FSTL4: variants seen among roughly 807,000 people sequenced by gnomAD.
FSTL4 encodes follistatin like 4.
A neutral mutation model predicts 78.2 loss-of-function variants in FSTL4; 28 were observed. The observed-to-expected ratio is 0.36, with a 90% CI of 0.27 to 0.49. The LOEUF (loss-of-function observed/expected upper bound fraction) is 0.49, where lower values mean the gene tolerates loss of function less well. Among genes scored for constraint, FSTL4 ranks in the 20% least tolerant of loss-of-function variants. The pLI is 0.98. For synonymous variants in FSTL4, 422 were observed against 440.5 expected (o/e 0.96, Z 0.53); for missense variants, 922 against 1,084.9 (o/e 0.85, Z 2.11).
intron 12 of FSTL4, among the ~76,000 whole-genome samples, chr5:133,220,539 C>CA (rs1344083873): frequency 4.6e-5 from 7 of 152,160 alleles, no homozygotes; most frequent in African/African-American, 1.7e-4. Context: ...ACCTGAGGCT[C>CA]AGTGCAGAGA....
chr5:133,244,526 A>G (rs982820443), intron 7 of FSTL4: 1 of 152,126 alleles, frequency 6.6e-6, no homozygotes, highest in Non-Finnish European at 1.5e-5. Flanking sequence ...TCTGGGGAAC[A>G]TGAACGTGAG....
the FSTL4 span, among the ~76,000 whole-genome samples, chr5:133,645,077 C>T: frequency 4.6e-5 from 7 of 152,020 alleles, no homozygotes; most frequent in East Asian, 1.4e-3. Context: ...TTTTTTTCTT[C>T]ACCTCTCCAC....
chr5:133,697,434 A>G, the FSTL4 span, among the ~76,000 whole-genome samples: 6 of 152,282 alleles, frequency 3.9e-5, no homozygotes, highest in South Asian at 6.2e-4. Flanking sequence ...CCTCTTCCCA[A>G]TGACAAATAT....
At chr5:133,594,812 TCTTTA>T (rs1374304676) in intron 2 of FSTL4, among the ~76,000 whole-genome samples, 1 of 152,362 alleles carries the variant, frequency 6.6e-6, no homozygotes. Context: ...AGTTCTGTTC[TCTTTA>T]CTTAGAGAGC....
At chr5:133,595,435 T>C (rs1319606982) in intron 2 of FSTL4, among the ~76,000 whole-genome samples, 1 of 152,230 alleles carries the variant, frequency 6.6e-6, no homozygotes, top group Admixed American at 6.5e-5. Flanking sequence ...CGTTCACTTA[T>C]TCAACAAATA....
the FSTL4 span, among the ~76,000 whole-genome samples, chr5:133,639,733 G>T: frequency 2.6e-5 from 4 of 152,186 alleles, no homozygotes; most frequent in African/African-American, 9.7e-5. Flanking sequence ...CGTTACCTCT[G>T]CCCATGTTCA....
At chr5:133,298,198 T>G (rs1036194518) in intron 6 of FSTL4, among the ~76,000 whole-genome samples, 7 of 152,256 alleles carry the variant, frequency 4.6e-5, no homozygotes, top group African/African-American at 1.7e-4. Flanking sequence ...CTGCAAGGAT[T>G]AATGAATTCA....
chr5:133,616,006 C>G (rs900645726), upstream of FSTL4, among the ~76,000 whole-genome samples: 24 of 152,160 alleles, frequency 1.6e-4, no homozygotes, highest in African/African-American at 5.8e-4. Context: ...CCAGCAAACT[C>G]ACAGGGGCTG....
At chr5:133,633,156 T>C in the FSTL4 span, among the ~76,000 whole-genome samples, 2 of 152,340 alleles carry the variant, frequency 1.3e-5, no homozygotes, top group East Asian at 3.9e-4. Flanking sequence ...TTTGCTAACC[T>C]CCTTGAATGT....
rs182473230 is a variant in FSTL4, at chr5:133,236,326, C to G, written c.895-2789G>C. Among the ~76,000 whole-genome samples the G allele has an allele frequency of 7.8e-4, 119 of 152,224 alleles. 2 individuals are homozygous for G. The Middle Eastern group carries it at 0.014, about 17-fold the overall frequency. The stretch of plus-strand genomic sequence containing the variant: ...GGCCACTGTTCCCAGATATCAACCT[C>G]AGGTTGATACCCATTAATACCAACA... On this transcript the variant is annotated intron_variant, in intron 7 of 15. Coordinates refer to ENST00000265342, the MANE Select transcript of FSTL4 (RefSeq NM_015082.2). The surrounding 1 kb of genome is among the most constrained non-coding windows in gnomAD (Gnocchi z 5.0).
chr5:133,206,961 C>T (rs1471550631), intron 14 of FSTL4, among the ~76,000 whole-genome samples: 1 of 151,950 alleles, frequency 6.6e-6, no homozygotes, highest in Non-Finnish European at 1.5e-5. Context: ...CTTTTGAGAC[C>T]ATTGGTAGTT....
At chr5:133,365,602 A>T (rs1755167526) in intron 4 of FSTL4, among the ~76,000 whole-genome samples, 1 of 152,188 alleles carries the variant, frequency 6.6e-6, no homozygotes, top group African/African-American at 2.4e-5. Context: ...CCATGAGCCT[A>T]ATCAGCGGTG....
intron 3 of FSTL4, among the ~76,000 whole-genome samples, 174 bp downstream of exon 3, chr5:133,567,012 C>T (rs1049949233): frequency 2.6e-5 from 4 of 152,186 alleles, no homozygotes; most frequent in Admixed American, 2.6e-4. Flanking sequence ...GCAAACCTGG[C>T]CTTCAGTCCA....
At chr5:133,739,895 CTTTTT>C in the FSTL4 span, among the ~76,000 whole-genome samples, 2 of 138,414 alleles carry the variant, frequency 1.4e-5, no homozygotes, top group Admixed American at 7.2e-5. Flanking sequence ...TAAGCTCTGT[CTTTTT>C]TTTTTTTTTT....
At chr5:133,607,054 G>A (rs965643183) in intron 1 of FSTL4, among the ~76,000 whole-genome samples, 2 of 89,608 alleles carry the variant, frequency 2.2e-5, no homozygotes, top group African/African-American at 9.3e-5. Context: ...ATTGTATCTG[G>A]AAACAGGAAA....
rs369987563 is a variant in FSTL4, at chr5:133,199,299, C to A, written c.2325G>T (p.Lys775Asn). 2.5e-6 allele frequency: 4 copies of A among 1,613,988 alleles called. No individual in the cohort carries two copies. Among genetic ancestry groups the A allele is most frequent in the Non-Finnish European group, 3.4e-6 (4 of 1,179,958 alleles). Residue 775 changes from lysine (K) to asparagine (N), a missense_variant, in exon 16 of 16, where the codon AAG becomes AAT. Coordinates refer to ENST00000265342, the MANE Select transcript of FSTL4 (RefSeq NM_015082.2). This position sits in a 1 kb window ranked among gnomAD's most constrained non-coding sequence, Gnocchi z 4.4. ...GCCCTGCGGGTGGCTCCTTTAAGTT[C>A]TTCAGCATGCCCACCTTCCCCGTGG... is the stretch of plus-strand genomic sequence containing the variant. ...ELSTGKVGML[K>N]NLKEPPAGPA...
At chr5:133,565,035 A>G (rs1368271798) in intron 3 of FSTL4, among the ~76,000 whole-genome samples, 1 of 152,194 alleles carries the variant, frequency 6.6e-6, no homozygotes. Flanking sequence ...GAAATAAGGC[A>G]AACCAAAACA....
chr5:133,437,281 C>A (rs1757052501), intron 3 of FSTL4, among the ~76,000 whole-genome samples: 1 of 152,072 alleles, frequency 6.6e-6, no homozygotes, highest in Non-Finnish European at 1.5e-5. Context: ...GAAATCAGAG[C>A]AGAGGTCTAA....
At chr5:133,781,224 T>C in the FSTL4 span, among the ~76,000 whole-genome samples, 3 of 152,102 alleles carry the variant, frequency 2.0e-5, no homozygotes, top group South Asian at 6.2e-4. Flanking sequence ...GGCTATTTGG[T>C]GGCCCAGCTG....
Sources: allele counts gnomAD v4.1 joint callset (sites outside exome capture counted in the v4.1 genomes callset), GRCh38; gene constraint gnomAD v4.1.1; non-coding constraint Gnocchi (gnomAD v3.1); transcripts MANE v1.5; gene names NCBI Gene and HGNC (gene_info 2026-07-23, HGNC 2026-07-21).